Variants in CNTNAP3B observed in about 807,000 individuals in gnomAD.
The protein encoded by CNTNAP3B is contactin associated protein family member 3B.
CNTNAP3B carries 25 observed loss-of-function variants against 108.9 expected under a neutral mutation model. The observed-to-expected ratio is 0.23, with a 90% CI of 0.17 to 0.32. CNTNAP3B has a LOEUF of 0.32. Ranked by LOEUF, CNTNAP3B falls within the 10% of genes least tolerant of loss-of-function variation. The pLI, the probability that CNTNAP3B is intolerant of heterozygous loss-of-function variation, is 1.00. For synonymous variants in CNTNAP3B, 103 were observed against 473.4 expected, an observed-to-expected ratio of 0.22 and a Z score of 10.16; for missense variants, 252 against 1,210.4, an observed-to-expected ratio of 0.21 and a Z score of 11.75.
At chr9:41,978,931 TTTTA>T (rs1270881075) in intron 9 of CNTNAP3B, among the ~76,000 whole-genome samples, 1 of 146,448 alleles carries the variant, frequency 6.8e-6, no homozygotes, top group African/African-American at 2.6e-5. Flanking sequence ...TATATAGAAT[TTTTA>T]TTTGTCAAAT....
intron 13 of CNTNAP3B, among the ~76,000 whole-genome samples, chr9:41,942,204 G>A (rs1394975528): frequency 1.3e-5 from 2 of 152,412 alleles, no homozygotes; most frequent in Non-Finnish European, 2.9e-5. Context: ...GGCCGGGCGC[G>A]GTGGCTCACG....
Position 41,917,022 on chromosome 9 carries a change from T to C in CNTNAP3B, c.2995+3048A>G, listed in dbSNP as rs1304393007. 3.3e-5 allele frequency among the ~76,000 whole-genome samples: 5 copies of C among 152,250 alleles called. No individual in the cohort carries two copies. The South Asian group carries it at 6.2e-4, about 19-fold the overall frequency. On this transcript the variant is annotated intron_variant, in intron 18 of 23. Transcript: ENST00000377561. ...TAATAAGATGTGTCTGGATATAAACTTCTTTGTGTCATCTGTATTTCACTG... is the reference window on the plus strand; with the variant it reads ...TAATAAGATGTGTCTGGATATAAACCTCTTTGTGTCATCTGTATTTCACTG...
At chr9:42,055,462 T>C (rs1827049224) in intron 3 of CNTNAP3B, among the ~76,000 whole-genome samples, 1 of 144,820 alleles carries the variant, frequency 6.9e-6, no homozygotes, top group Admixed American at 6.9e-5. Context: ...CCATGACCAC[T>C]GAAAGAGAAC....
chr9:42,109,951 G>T (rs1410828426), intron 1 of CNTNAP3B, among the ~76,000 whole-genome samples: 4 of 138,352 alleles, frequency 2.9e-5, no homozygotes, highest in Non-Finnish European at 4.6e-5. Flanking sequence ...ACAAGGTGAG[G>T]CACACGGGCA....
chr9:42,010,376 T>C (rs1587196405), intron 4 of CNTNAP3B, among the ~76,000 whole-genome samples: 1 of 149,086 alleles, frequency 6.7e-6, no homozygotes, highest in Non-Finnish European at 1.5e-5. Context: ...GCTGAAATCA[T>C]GCAAGGTGTA....
intron 14 of CNTNAP3B, among the ~76,000 whole-genome samples, chr9:41,934,100 CATATATAT>C (rs1186532915): frequency 1.4e-4 from 13 of 90,212 alleles, no homozygotes; most frequent in African/African-American, 5.5e-4. Flanking sequence ...ATATTTGTTA[CATATATAT>C]ATATATATAT....
At chr9:41,969,087 C>G (rs1243096227) in intron 10 of CNTNAP3B, among the ~76,000 whole-genome samples, 2 of 152,306 alleles carry the variant, frequency 1.3e-5, no homozygotes, top group African/African-American at 4.8e-5. Context: ...TGAGCCACCA[C>G]GCTGGGCCAG....
At chr9:41,953,424 G>A (rs753216055) in intron 12 of CNTNAP3B, 38 bp from the exon 13 acceptor site, 12 of 1,515,784 alleles carry the variant, frequency 7.9e-6, no homozygotes, top group Admixed American at 4.0e-5. Context: ...ATCACTGGGC[G>A]GCAGACGCCA....
chr9:41,930,823 G>A (rs1418169194), intron 14 of CNTNAP3B, among the ~76,000 whole-genome samples: 3 of 152,008 alleles, frequency 2.0e-5, no homozygotes, highest in Admixed American at 1.3e-4. Flanking sequence ...CCAAAATAAA[G>A]GCATTTGTCT....
Position 41,990,434 on chromosome 9 carries a change from G to A in CNTNAP3B, c.1333+1176C>T, listed in dbSNP as rs866554501. On this transcript the variant is annotated intron_variant, in intron 8 of 23. Transcript: ENST00000377561. ...GAAACACCTGTGTGAGGTGGACACA[G>A]ATTCTAACACCCAGGACTTGCCTGA... Among the ~76,000 whole-genome samples the A allele has an allele frequency of 9.9e-5, 13 of 131,942 alleles. 1 individual carries two copies. In the South Asian group the frequency reaches 1.0e-3, roughly 10 times the overall value. The allele number at this position is 131,942 out of a possible 152,430, so 86.6% of individuals were successfully genotyped here.
intron 1 of CNTNAP3B, among the ~76,000 whole-genome samples, chr9:42,113,051 G>T (rs140127948): frequency 7.5e-6 from 1 of 133,522 alleles, no homozygotes; most frequent in Non-Finnish European, 1.6e-5. Context: ...CACCATGCCC[G>T]GTCAAGTTTA....
chr9:41,957,647 T>C (rs1319336578), intron 12 of CNTNAP3B, among the ~76,000 whole-genome samples: 1 of 151,530 alleles, frequency 6.6e-6, no homozygotes, highest in African/African-American at 2.4e-5. Context: ...TTGCATGCTA[T>C]CTACTTTACC....
chr9:42,116,786 G>A (rs574846680), intron 1 of CNTNAP3B, among the ~76,000 whole-genome samples: 5 of 138,718 alleles, frequency 3.6e-5, no homozygotes, highest in South Asian at 2.3e-4. Flanking sequence ...CCCTGCTCAC[G>A]TGCAGAGACA....
At chr9:41,918,201 G>C (rs1823571145) in intron 18 of CNTNAP3B, among the ~76,000 whole-genome samples, 1 of 150,724 alleles carries the variant, frequency 6.6e-6, no homozygotes, top group African/African-American at 2.5e-5. Context: ...GCATGAAACA[G>C]AGCTCCTGAA....
chr9:41,944,220 G>T (rs1402106163), intron 13 of CNTNAP3B, among the ~76,000 whole-genome samples: 1 of 147,736 alleles, frequency 6.8e-6, no homozygotes, highest in Non-Finnish European at 1.5e-5. Context: ...AAACAATATA[G>T]GTCAAAAACA....
At chr9:41,922,250 G>T (rs1383041942) in intron 17 of CNTNAP3B, among the ~76,000 whole-genome samples, 1 of 124,926 alleles carries the variant, frequency 8.0e-6, no homozygotes, top group East Asian at 2.2e-4. Flanking sequence ...TGGATCATCA[G>T]GTCAAGAGAT....
rs560191257 is a variant in CNTNAP3B, at chr9:42,112,991, G to A, written c.86-8252C>T. ...AAGATAGTATCGATCTCCTGATCTC[G>A]TGATCCACCTGCCTCAACCTCCCAA... On this transcript the variant is annotated intron_variant, in intron 1 of 23. Coordinates refer to ENST00000377561, the MANE Select transcript of CNTNAP3B (RefSeq NM_001201380.3). Among the ~76,000 whole-genome samples, 81 of 130,220 alleles carry A rather than the reference G, an allele frequency of 6.2e-4. 9 individuals are homozygous for A. The highest frequency in any genetic ancestry group is 1.5e-3 in the African/African-American group (47 of 32,136). The allele number at this position is 130,220 out of a possible 152,430, so 85.4% of individuals were successfully genotyped here. A position where few individuals can be genotyped will look rare whatever the true frequency, so the allele number is the denominator to read the frequency against.
At chr9:41,923,734 C>T in intron 16 of CNTNAP3B, 189 bp downstream of exon 16, 2 of 1,139,908 alleles carry the variant, frequency 1.8e-6, no homozygotes, top group Non-Finnish European at 2.4e-6. Flanking sequence ...TGCACTCCAG[C>T]ATGAGTGACA....
At position 42,086,039 on chromosome 9, in the gene CNTNAP3B, T is replaced by C. The variant is rs1412371825; in HGVS notation, c.197-8977A>G. Among the ~76,000 whole-genome samples, 2 of 139,720 alleles carry C rather than the reference T, an allele frequency of 1.4e-5. 1 individual carries two copies. The highest frequency in any genetic ancestry group is 4.3e-4 in the East Asian group (2 of 4,628). The allele number at this position is 139,720 out of a possible 152,430, so 91.7% of individuals were successfully genotyped here. A position where few individuals can be genotyped will look rare whatever the true frequency, so the allele number is the denominator to read the frequency against. On this transcript the variant is annotated intron_variant, in intron 2 of 23. Coordinates refer to ENST00000377561, the MANE Select transcript of CNTNAP3B (RefSeq NM_001201380.3). ...CTGCTGATGAAGACATATCTGAGAC[T>C]GGGTAATTCATAAAGAAAAAAGGTT...
Sources: allele counts gnomAD v4.1 joint callset (sites outside exome capture counted in the v4.1 genomes callset), GRCh38; gene constraint gnomAD v4.1.1; transcripts MANE v1.5; gene names NCBI Gene and HGNC (gene_info 2026-07-23, HGNC 2026-07-21).